RIT2: variants seen among roughly 807,000 people sequenced by gnomAD.
The protein encoded by RIT2 is Ras like without CAAX 2.
Under a neutral mutation model 23.7 loss-of-function variants are expected in RIT2, and 24 were observed. The observed-to-expected ratio is 1.01, with a 90% CI of 0.73 to 1.43. The LOEUF is 1.43. Among genes scored for constraint, RIT2 ranks in the 40% most tolerant of loss-of-function variants. RIT2 has a pLI of 0.00. For synonymous variants in RIT2, 107 were observed against 91.1 expected (o/e 1.17, Z -0.99); for missense variants, 236 against 266.9 (o/e 0.88, Z 0.81).
rs9946760 is a variant in RIT2 at position 42,979,879 on chromosome 18, G to A, written c.161-5732C>T. Among the ~76,000 whole-genome samples the A allele has an allele frequency of 5.5e-3, 830 of 152,224 alleles. 7 individuals are homozygous for A. The highest frequency in any genetic ancestry group is 0.019 in the African/African-American group (793 of 41,552). On this transcript the variant is annotated intron_variant, in intron 2 of 4. Transcript: ENST00000326695. ...AAAAGCAATTGCACTGTATTTTAATGAGTGCTACATTAGAAGTACTTTGAA... is the reference window on the plus strand; with the variant it reads ...AAAAGCAATTGCACTGTATTTTAATAAGTGCTACATTAGAAGTACTTTGAA...
At chr18:43,041,229 AGT>A (rs1205549260) in intron 1 of RIT2, among the ~76,000 whole-genome samples, 2 of 152,168 alleles carry the variant, frequency 1.3e-5, no homozygotes, top group Non-Finnish European at 2.9e-5. Context: ...GAAAGTGAAG[AGT>A]GTGTATGAGT....
At chr18:43,114,228 AT>A (rs1473458401) in intron 1 of RIT2, among the ~76,000 whole-genome samples, 1 of 151,966 alleles carries the variant, frequency 6.6e-6, no homozygotes, top group East Asian at 1.9e-4. Context: ...AGATGTACCT[AT>A]TTCTTTTATT....
At chr18:42,840,466 A>G (rs1267697336) in intron 4 of RIT2, among the ~76,000 whole-genome samples, 3 of 152,204 alleles carry the variant, frequency 2.0e-5, no homozygotes, top group African/African-American at 7.2e-5. Context: ...AGAGTATGCC[A>G]AGAACTGCCG....
chr18:42,882,476 T>C (rs4890413), intron 4 of RIT2, among the ~76,000 whole-genome samples: 20,145 of 152,228 alleles, frequency 0.13, 1,362 homozygotes, highest in Middle Eastern at 0.26. Context: ...TAGAAGGAAC[T>C]ATCAGTCCAG....
chr18:43,041,326 C>T (rs1169113848), intron 1 of RIT2, among the ~76,000 whole-genome samples: 1 of 152,066 alleles, frequency 6.6e-6, no homozygotes, highest in East Asian at 1.9e-4. Context: ...GACTCAATAG[C>T]CCTTTGCTTT....
At chr18:42,988,067 A>G (rs1389197787) in intron 2 of RIT2, among the ~76,000 whole-genome samples, 3 of 152,312 alleles carry the variant, frequency 2.0e-5, no homozygotes, top group Non-Finnish European at 2.9e-5. Flanking sequence ...GAGTGTATCA[A>G]TAGTAGATGT....
intron 3 of RIT2, among the ~76,000 whole-genome samples, chr18:42,925,858 A>T (rs1248125695): frequency 6.6e-6 from 1 of 151,698 alleles, no homozygotes; most frequent in Non-Finnish European, 1.5e-5. Flanking sequence ...AGCAGCGCTA[A>T]TATACCTTGG....
rs573469897 is a variant in RIT2 at position 42,827,567 on chromosome 18, G to A, written c.427-83847C>T. On this transcript the variant is annotated intron_variant, in intron 4 of 4. Transcript: ENST00000326695. ...TATTTCCAGCATAAAAAAGAAAAAG[G>A]GAATGGGCAAGGAACTCACACACAA... Among the ~76,000 whole-genome samples, 10 of 151,850 alleles carry A rather than the reference G, an allele frequency of 6.6e-5. No individual in the cohort carries two copies. The East Asian group carries it at 1.5e-3, about 24-fold the overall frequency.
intron 4 of RIT2, among the ~76,000 whole-genome samples, chr18:42,772,141 G>A (rs1419953155): frequency 6.6e-6 from 1 of 152,062 alleles, no homozygotes; most frequent in African/African-American, 2.4e-5. Context: ...AGGTCACAAA[G>A]CAAATTAATA....
At chr18:42,797,972 G>A (rs924064276) in intron 4 of RIT2, among the ~76,000 whole-genome samples, 1 of 151,912 alleles carries the variant, frequency 6.6e-6, no homozygotes, top group African/African-American at 2.4e-5. Context: ...TATCAGGTTT[G>A]TGTCATCCTC....
intron 1 of RIT2, among the ~76,000 whole-genome samples, chr18:43,036,536 T>C (rs1598756280): frequency 6.6e-6 from 1 of 151,012 alleles, no homozygotes; most frequent in African/African-American, 2.4e-5. Context: ...CCAGACTCCA[T>C]CCCCCGCTAC....
At position 42,891,111 on chromosome 18, in the gene RIT2, T is replaced by TAA; in HGVS notation, c.426+32460_426+32461insTT. 2.6e-5 allele frequency among the ~76,000 whole-genome samples: 4 copies of TAA among 152,168 alleles called. No individual in the cohort carries two copies. In the South Asian group the frequency reaches 8.3e-4, roughly 31 times the overall value. ...AATTTCTGCATAATTGCAGAGCCTG[T>TAA]TTGTTGAAATCCAGAATGTAAGGAC... is the stretch of plus-strand genomic sequence containing the variant. On this transcript the variant is annotated intron_variant, in intron 4 of 4. Transcript: ENST00000326695.
At chr18:42,774,352 A>T (rs2143920398) in intron 4 of RIT2, among the ~76,000 whole-genome samples, 1 of 152,280 alleles carries the variant, frequency 6.6e-6, no homozygotes, top group South Asian at 2.1e-4. Flanking sequence ...ACAGGGGGAA[A>T]GTGTCTAAGA....
chr18:42,885,107 A>G (rs552688079), intron 4 of RIT2, among the ~76,000 whole-genome samples: 10 of 152,222 alleles, frequency 6.6e-5, no homozygotes, highest in Non-Finnish European at 1.5e-4. Context: ...CAAGGTAACA[A>G]CTGGCTCTCA....
At chr18:42,745,532 AC>A (rs997692811) in intron 4 of RIT2, among the ~76,000 whole-genome samples, 1 of 152,140 alleles carries the variant, frequency 6.6e-6, no homozygotes, top group Non-Finnish European at 1.5e-5. Context: ...TCACATTTTA[AC>A]CCTATGAGAT....
At chr18:42,992,057 TG>T (rs1910863746) in intron 2 of RIT2, among the ~76,000 whole-genome samples, 1 of 151,996 alleles carries the variant, frequency 6.6e-6, no homozygotes, top group African/African-American at 2.4e-5. Context: ...CCCATTTTTC[TG>T]GAGGGTAAGA....
At chr18:42,801,420 C>T (rs1312400034) in intron 4 of RIT2, among the ~76,000 whole-genome samples, 1 of 152,166 alleles carries the variant, frequency 6.6e-6, no homozygotes, top group Non-Finnish European at 1.5e-5. Context: ...CAGAAAGATC[C>T]AGAATGTCAT....
At chr18:42,976,600 T>TA (rs1910483209) in intron 2 of RIT2, among the ~76,000 whole-genome samples, 1 of 152,056 alleles carries the variant, frequency 6.6e-6, no homozygotes, top group Admixed American at 6.6e-5. Flanking sequence ...TTACAAGGAT[T>TA]AAATGATACA....
chr18:43,069,698 C>A (rs753318377), intron 1 of RIT2, among the ~76,000 whole-genome samples: 7 of 151,976 alleles, frequency 4.6e-5, no homozygotes, highest in Admixed American at 2.0e-4. Flanking sequence ...ATCTGAAATC[C>A]TTGCCAAAAA....
Sources: allele counts gnomAD v4.1 joint callset (sites outside exome capture counted in the v4.1 genomes callset), GRCh38; gene constraint gnomAD v4.1.1; transcripts MANE v1.5; gene names NCBI Gene and HGNC (gene_info 2026-07-23, HGNC 2026-07-21).